Variants in AFF3 observed in about 807,000 individuals in gnomAD.
AFF3 encodes ALF transcription elongation factor 3, also known as AF4/FMR2 family member 3.
AFF3 carries 32 observed loss-of-function variants against 129.7 expected under a neutral mutation model. That is an observed-to-expected ratio of 0.25 (90% CI 0.19 to 0.33). AFF3 has a LOEUF of 0.33. Among genes scored for constraint, AFF3 ranks in the 10% least tolerant of loss-of-function variants. The pLI, the probability that AFF3 is intolerant of heterozygous loss-of-function variation, is 1.00. For synonymous variants in AFF3, 644 were observed against 635.4 expected (o/e 1.01, Z -0.20); for missense variants, 1,373 against 1,592.0 (o/e 0.86, Z 2.34).
chr2:100,054,283 C>G (rs6750720), intron 4 of AFF3, among the ~76,000 whole-genome samples: 62,276 of 152,046 alleles, frequency 0.41, 14,130 homozygotes, highest in African/African-American at 0.6. Context: ...TGTCATCTTG[C>G]TTGGGCCATG....
chr2:100,008,108 G>A (rs1356856607), intron 5 of AFF3, among the ~76,000 whole-genome samples: 2 of 152,192 alleles, frequency 1.3e-5, no homozygotes, highest in East Asian at 1.9e-4. Context: ...TCTATGATTG[G>A]ATTGTCCTGT....
chr2:99,827,857 G>A (rs893208146), intron 8 of AFF3, among the ~76,000 whole-genome samples: 17 of 152,114 alleles, frequency 1.1e-4, no homozygotes, highest in Admixed American at 1.1e-3. Flanking sequence ...CCCCAGCGCC[G>A]AGAACAGAGC....
At chr2:99,695,357 C>T (rs1676103762) in intron 11 of AFF3, among the ~76,000 whole-genome samples, 1 of 152,200 alleles carries the variant, frequency 6.6e-6, no homozygotes. Context: ...GTGGGACCCT[C>T]ATATACTCAA....
intron 7 of AFF3, among the ~76,000 whole-genome samples, chr2:99,937,441 C>G (rs1576385121): frequency 6.6e-6 from 1 of 152,050 alleles, no homozygotes; most frequent in East Asian, 1.9e-4. Context: ...GCTCTGTTGC[C>G]CAGGCTGGAG....
At chr2:99,785,440 G>A (rs1684719594) in intron 8 of AFF3, among the ~76,000 whole-genome samples, 1 of 152,100 alleles carries the variant, frequency 6.6e-6, no homozygotes, top group Admixed American at 6.5e-5. Flanking sequence ...ACCTGTAAAG[G>A]TTACAACTAC....
intron 4 of AFF3, among the ~76,000 whole-genome samples, chr2:100,057,029 CTT>C (rs1686847572): frequency 6.6e-6 from 1 of 152,176 alleles, no homozygotes; most frequent in Non-Finnish European, 1.5e-5. Context: ...CTGTTGAAAA[CTT>C]TGGCCACACT....
At chr2:99,972,419 A>C (rs541040807) in intron 7 of AFF3, among the ~76,000 whole-genome samples, 1 of 152,358 alleles carries the variant, frequency 6.6e-6, no homozygotes, top group African/African-American at 2.4e-5. Context: ...TGGTCTGCAC[A>C]GGGGTGATTT....
chr2:99,839,760 T>C (rs1689175866), intron 7 of AFF3, among the ~76,000 whole-genome samples: 1 of 151,902 alleles, frequency 6.6e-6, no homozygotes, highest in African/African-American at 2.4e-5. Context: ...TACAGGCATG[T>C]ATCACCATGC....
chr2:100,084,765 TTC>T (rs1054303063), intron 4 of AFF3, among the ~76,000 whole-genome samples: 3 of 152,142 alleles, frequency 2.0e-5, no homozygotes, highest in African/African-American at 4.8e-5. Context: ...AAAAGGGGAA[TTC>T]TGTTTGATGT....
chr2:99,950,284 C>A (rs905301306), intron 7 of AFF3, among the ~76,000 whole-genome samples: 2 of 152,118 alleles, frequency 1.3e-5, no homozygotes, highest in Non-Finnish European at 2.9e-5. Flanking sequence ...CCAAGTATTT[C>A]TGGCTGTGTG....
At chr2:99,931,090 C>T (rs1696642711) in intron 7 of AFF3, among the ~76,000 whole-genome samples, 1 of 152,124 alleles carries the variant, frequency 6.6e-6, no homozygotes, top group Admixed American at 6.6e-5. Flanking sequence ...ATTAAATAAC[C>T]ATGGATTATC....
intron 8 of AFF3, among the ~76,000 whole-genome samples, chr2:99,764,109 G>A (rs1452650319): frequency 6.6e-6 from 1 of 152,170 alleles, no homozygotes; most frequent in Non-Finnish European, 1.5e-5. Context: ...AACACTGAGG[G>A]TAACTCAGAC....
intron 7 of AFF3, among the ~76,000 whole-genome samples, chr2:99,949,296 C>T (rs1301921199): frequency 6.6e-6 from 1 of 152,104 alleles, no homozygotes; most frequent in African/African-American, 2.4e-5. Flanking sequence ...ATTTCTATCT[C>T]CTTAAGTAAA....
intron 12 of AFF3, among the ~76,000 whole-genome samples, chr2:99,667,674 A>C (rs117233690): frequency 0.019 from 2,887 of 152,304 alleles, 68 homozygotes; most frequent in East Asian, 0.072. Flanking sequence ...CTGACACTAT[A>C]GATCTTGCAG....
At chr2:99,814,441 C>A (rs1445204462) in intron 8 of AFF3, among the ~76,000 whole-genome samples, 1 of 152,120 alleles carries the variant, frequency 6.6e-6, no homozygotes, top group East Asian at 1.9e-4. Context: ...TGAGTTGGAG[C>A]ACGCATAGGG....
chr2:99,635,641 A>G (rs958198301), intron 13 of AFF3, among the ~76,000 whole-genome samples: 1 of 152,154 alleles, frequency 6.6e-6, no homozygotes, highest in African/African-American at 2.4e-5. Flanking sequence ...TTGATGGAAG[A>G]GGGATCTCTC....
At chr2:99,883,190 T>C (rs1692852558) in intron 7 of AFF3, among the ~76,000 whole-genome samples, 1 of 152,166 alleles carries the variant, frequency 6.6e-6, no homozygotes, top group South Asian at 2.1e-4. Context: ...TTTTAACCTT[T>C]GCAATATGTT....
At chr2:99,726,604 A>G (rs1164901159) in intron 11 of AFF3, among the ~76,000 whole-genome samples, 1 of 152,246 alleles carries the variant, frequency 6.6e-6, no homozygotes. Flanking sequence ...TTATGTTTTT[A>G]AAACTGCTTT....
At position 99,755,558 on chromosome 2, in the gene AFF3, C is replaced by T. The variant is rs189002130; in HGVS notation, c.922-3257G>A. On this transcript the variant is annotated intron_variant, in intron 8 of 24. Transcript: ENST00000672756. ...CTGGGATTACAGGAGTGAGTCACCG[C>T]GCCCGGCCCCTATTGGTTTTTTAAA... Among the ~76,000 whole-genome samples the T allele has an allele frequency of 1.0e-3, 154 of 152,274 alleles. No homozygotes were observed. The South Asian group carries it at 0.013, about 13-fold the overall frequency.
Sources: allele counts gnomAD v4.1 joint callset (sites outside exome capture counted in the v4.1 genomes callset), GRCh38; gene constraint gnomAD v4.1.1; transcripts MANE v1.5; gene names NCBI Gene and HGNC (gene_info 2026-07-23, HGNC 2026-07-21).